Variants in FOXD4L1 observed in about 807,000 individuals in gnomAD.
The protein encoded by FOXD4L1 is forkhead box D4 like 1, also known as forkhead box protein D4-like 1.
In FOXD4L1, 10 loss-of-function variants were observed where a neutral mutation model predicts 24.8. That is an observed-to-expected ratio of 0.40 (90% CI 0.25 to 0.68). The LOEUF is 0.68. Among genes scored for constraint, FOXD4L1 ranks in the 30% least tolerant of loss-of-function variants. The probability of loss-of-function intolerance (pLI) is 0.37; values close to 1 mark genes in which losing one functional copy is unlikely to be tolerated. For missense variants in FOXD4L1, 364 were observed against 572.4 expected, an observed-to-expected ratio of 0.64 and a Z score of 3.72; for synonymous variants, 159 against 256.4, an observed-to-expected ratio of 0.62 and a Z score of 3.63.
exon 1 of FOXD4L1, chr2:113,499,268 A>G (rs375570966): frequency 1.3e-4 from 205 of 1,606,868 alleles, no homozygotes; most frequent in Non-Finnish European, 1.7e-4. Context: ...TGAACCTGCC[A>G]AGAGCTGAGC....
In FOXD4L1 at chr2:113,500,147, G is replaced by A. The variant is rs1229729526; in HGVS notation, c.891G>A (p.Val297=). 12 of 1,520,134 alleles carry A rather than the reference G, an allele frequency of 7.9e-6. 4 individuals are homozygous for A. Among genetic ancestry groups the A allele is most frequent in the African/African-American group, 5.6e-5 (4 of 71,682 alleles). The allele number at this position is 1,520,134 out of a possible 1,614,324, so 94.2% of individuals were successfully genotyped here. The change falls in exon 1 of 1, where the codon GTG becomes GTA. Residue 297 remains valine (V), a synonymous_variant. Coordinates refer to ENST00000306507, the Ensembl canonical transcript of FOXD4L1. ...TGGCGACCCCCGGCACCCTTCCCGT[G>A]CTGCAGCCCTCACTTGGTCCTCAGC...
chr2:113,499,191 G>T (rs950169989), exon 1 of FOXD4L1: 34 of 1,611,722 alleles, frequency 2.1e-5, no homozygotes, highest in Non-Finnish European at 2.9e-5. Flanking sequence ...CAGGCTTCCA[G>T]CTCAGCCCGC....
In FOXD4L1 at chr2:113,499,780, C is replaced by G. The variant is rs372116111; in HGVS notation, c.524C>G (p.Pro175Arg). The G allele has an allele frequency of 1.1e-4, 175 of 1,535,594 alleles. 28 individuals are homozygous for G. The highest frequency in any genetic ancestry group is 1.5e-4 in the Non-Finnish European group (165 of 1,132,134). Residue 175 changes from proline to arginine, a missense_variant, in exon 1 of 1, where the codon CCA (proline) becomes CGA (arginine). By Grantham distance (103) the Pro-to-Arg change is moderately radical. Coordinates refer to ENST00000306507, the Ensembl canonical transcript of FOXD4L1. ...AAGATCCCCCGCGAGCCGGGCCACC[C>G]AGGCAAGGGCACCTACTGGAGCCTG...
chr2:113,499,948 G>T (rs1419402874), exon 1 of FOXD4L1: 2 of 1,511,160 alleles, frequency 1.3e-6, no homozygotes, highest in South Asian at 1.1e-5. Flanking sequence ...CACAACCCCC[G>T]CCCAGGCCCT....
chr2:113,500,357 A>C, exon 1 of FOXD4L1: 2 of 1,519,886 alleles, frequency 1.3e-6, no homozygotes, highest in Non-Finnish European at 1.8e-6. Context: ...ATTTTGCAGC[A>C]ACAGCAGCAG....
chr2:113,499,961 G>A, exon 1 of FOXD4L1: 1 of 1,533,160 alleles, frequency 6.5e-7, no homozygotes, highest in Non-Finnish European at 8.8e-7. Context: ...CAGGCCCTCT[G>A]CTTGGGGCCC....
rs370110670 is a variant in FOXD4L1, at chr2:113,500,148, C to T, written c.892C>T (p.Leu298=). ...GGCGACCCCCGGCACCCTTCCCGTG[C>T]TGCAGCCCTCACTTGGTCCTCAGCC... is the stretch of plus-strand genomic sequence containing the variant. Residue 298 remains leucine (L), a synonymous_variant, in exon 1 of 1, where the codon CTG becomes TTG. Coordinates refer to ENST00000306507, the Ensembl canonical transcript of FOXD4L1. 1.2e-4 allele frequency: 182 copies of T among 1,520,596 alleles called. 27 individuals carry two copies. Among genetic ancestry groups the T allele is most frequent in the Non-Finnish European group, 1.4e-4 (156 of 1,131,000 alleles). The allele number at this position is 1,520,596 out of a possible 1,614,324, so 94.2% of individuals were successfully genotyped here.
exon 1 of FOXD4L1, chr2:113,499,541 T>G: frequency 1.2e-6 from 2 of 1,606,218 alleles, no homozygotes; most frequent in South Asian, 2.2e-5. Context: ...CGCCAAGGTC[T>G]GCGGCGGCCT....
At chr2:113,500,077 C>G in exon 1 of FOXD4L1, 1 of 1,583,206 alleles carries the variant, frequency 6.3e-7, no homozygotes, top group Non-Finnish European at 8.5e-7. Context: ...CTGCTCTCGG[C>G]CCCCGCCTAT....
Position 113,499,986 on chromosome 2 carries a change from C to T in FOXD4L1, c.730C>T (p.Pro244Ser). Reference sequence around the variant, plus strand: ...GCTTGGGGCCCCTGCCCTGCCGCAGCCAGTCCCGGGGGCCTACCCCAACAC... The same window carrying T: ...GCTTGGGGCCCCTGCCCTGCCGCAGTCAGTCCCGGGGGCCTACCCCAACAC... The change falls in exon 1 of 1, where the codon CCA (proline) becomes TCA (serine). Residue 244 changes from proline (P) to serine (S), a missense_variant. Coordinates refer to ENST00000306507, the Ensembl canonical transcript of FOXD4L1. 1.9e-6 allele frequency: 3 copies of T among 1,566,748 alleles called. No individual in the cohort carries two copies. The highest frequency in any genetic ancestry group is 2.6e-6 in the Non-Finnish European group (3 of 1,163,556).
At chr2:113,500,213 C>T (rs1337856291) in exon 1 of FOXD4L1, 1 of 1,556,662 alleles carries the variant, frequency 6.4e-7, no homozygotes, top group Non-Finnish European at 8.7e-7. Context: ...CACCGGGAGG[C>T]GGATGCATCT....
At chr2:113,500,995 C>A (rs1682435572) in exon 1 of FOXD4L1, 1 of 187,182 alleles carries the variant, frequency 5.3e-6, no homozygotes, top group African/African-American at 2.5e-5. Flanking sequence ...CTTCTACTCT[C>A]TGTGTCTTCC....
chr2:113,499,313 C>T (rs775965083), exon 1 of FOXD4L1: 21 of 1,609,856 alleles, frequency 1.3e-5, no homozygotes, highest in Non-Finnish European at 1.4e-5. Flanking sequence ...GCCTCCGGGA[C>T]TCCGATGGGG....
At chr2:113,499,748 C>G in exon 1 of FOXD4L1, 2 of 1,604,026 alleles carry the variant, frequency 1.2e-6, no homozygotes, top group Non-Finnish European at 1.7e-6. Flanking sequence ...TGAACGACTG[C>G]TTCGTCAAGA....
chr2:113,500,034 G>T lies in FOXD4L1; in HGVS notation c.778G>T (p.Ala260Ser), dbSNP rs1375957425. The T allele has an allele frequency of 3.2e-6, 5 of 1,585,180 alleles. No homozygotes were observed. Among genetic ancestry groups the T allele is most frequent in the Admixed American group, 1.7e-5 (1 of 58,020 alleles). Residue 260 changes from alanine to serine, a missense_variant, in exon 1 of 1, where the codon GCT (alanine) becomes TCT (serine). Physicochemically the swap from Ala to Ser is moderately conservative, Grantham distance 99 (BLOSUM62 1). Coordinates refer to ENST00000306507, the Ensembl canonical transcript of FOXD4L1. The stretch of plus-strand genomic sequence containing the variant: ...CACCGCCCCCGGGAGACGCCCTTAC[G>T]CTCTGCTGCACCCGCATCCTCCTCG...
In FOXD4L1 at chr2:113,499,124, G is replaced by A. The variant is rs1478931732; in HGVS notation, c.-133G>A. 4.6e-6 allele frequency: 7 copies of A among 1,508,898 alleles called. No homozygotes were observed. In the African/African-American group the frequency reaches 8.2e-5, roughly 18 times the overall value. 93.5% of individuals were successfully genotyped at this position (1,508,898 alleles called of 1,614,324 possible). ...TGTTGCAAAGGAGTAGAAACAAGCA[G>A]AGGAAAACATCCCAAAGGGTAACCA... is the stretch of plus-strand genomic sequence containing the variant. On this transcript the variant is annotated 5_prime_UTR_variant, in exon 1 of 1. Coordinates refer to ENST00000306507, the Ensembl canonical transcript of FOXD4L1.
At chr2:113,500,715 G>T (rs2104912946) in exon 1 of FOXD4L1, 2 of 1,114,838 alleles carry the variant, frequency 1.8e-6, no homozygotes, top group African/African-American at 1.6e-5. Context: ...TGGTTAGAAA[G>T]AAACAGCTGG....
In FOXD4L1 at chr2:113,500,293, C is replaced by A. The variant is rs145308512; in HGVS notation, c.1037C>A (p.Pro346Gln). The A allele has an allele frequency of 5.3e-5, 81 of 1,538,872 alleles. 7 individuals carry two copies. The African/African-American group carries it at 8.6e-4, about 16-fold the overall frequency. Residue 346 changes from proline to glutamine, a missense_variant, in exon 1 of 1, where the codon CCG becomes CAG. By Grantham distance (76) the Pro-to-Gln change is moderately conservative (BLOSUM62 -1). Coordinates refer to ENST00000306507, the Ensembl canonical transcript of FOXD4L1. ...ACAGGGGCTGCGCAGAGTTTGTCCC[C>A]GACCGCGTGGAGCTACTGCCCCCTG...
exon 1 of FOXD4L1, chr2:113,499,107 A>G (rs1682387511): frequency 7.1e-7 from 1 of 1,401,364 alleles, no homozygotes; most frequent in Non-Finnish European, 9.7e-7. Flanking sequence ...GTTGTTGCAA[A>G]GGAGTAGAAA....
Sources: gnomAD v4.1 joint callset for allele counts on GRCh38, gnomAD v4.1.1 for gene constraint, MANE v1.5 for transcripts, NCBI Gene and HGNC (gene_info 2026-07-23, HGNC 2026-07-21) for gene names.